Variants in PADI1 observed in about 807,000 individuals in gnomAD.
The protein encoded by PADI1 is peptidyl arginine deiminase 1.
PADI1 carries 65 observed loss-of-function variants against 74.8 expected under a neutral mutation model. That is an observed-to-expected ratio of 0.87 (90% CI 0.71 to 1.07). PADI1 has a LOEUF of 1.07. Among genes scored for constraint, PADI1 ranks in the 50% least tolerant of loss-of-function variants. The pLI is 0.00. For synonymous variants in PADI1, 371 were observed against 336.2 expected (o/e 1.10, Z -1.13); for missense variants, 943 against 854.0 (o/e 1.10, Z -1.30).
At chr1:17,215,082 C>T (rs1056550233) in intron 1 of PADI1, among the ~76,000 whole-genome samples, 3 of 152,190 alleles carry the variant, frequency 2.0e-5, no homozygotes, top group African/African-American at 7.2e-5. Context: ...GGCCCCTCCC[C>T]ATGCCTGTGG....
At chr1:17,217,276 T>C (rs1330818980) in intron 1 of PADI1, among the ~76,000 whole-genome samples, 2 of 152,186 alleles carry the variant, frequency 1.3e-5, no homozygotes, top group African/African-American at 2.4e-5. Flanking sequence ...ATGGATCACC[T>C]GGCCTCCATG....
Position 17,240,715 on chromosome 1 carries a change from C to T in PADI1, c.1713C>T (p.Leu571=). 2.5e-6 allele frequency: 4 copies of T among 1,614,158 alleles called. No homozygotes were observed. Among genetic ancestry groups the T allele is most frequent in the Admixed American group, 3.3e-5 (2 of 60,024 alleles). The change falls in exon 15 of 16, where the codon CTC becomes CTT. Residue 571 remains leucine (L), a synonymous_variant. Transcript: ENST00000375471. The part of the protein sequence containing the change: ...AESDIVDIPQ[L]FFLKNFYAEA... ...GTGACATCGTGGACATTCCCCAGCTCTTCTTCCTGAAAAACTTCTACGCGG... is the reference window on the plus strand; with the variant it reads ...GTGACATCGTGGACATTCCCCAGCTTTTCTTCCTGAAAAACTTCTACGCGG...
intron 10 of PADI1, among the ~76,000 whole-genome samples, chr1:17,231,176 G>A (rs531376312): frequency 1.1e-3 from 166 of 152,272 alleles, no homozygotes; most frequent in African/African-American, 3.8e-3. Context: ...TGAGTTCCAG[G>A]CACTGTCTCC....
chr1:17,225,882 G>GC lies in PADI1; in HGVS notation c.480_481insC (p.Ser161LeufsTer5), dbSNP rs2072294429. ...TGAACTGTGACCGGGACAATCACAG[G>GC]TCCGCAGAGCCTGACCTCACCCACA... On this transcript the variant is annotated frameshift_variant, in exon 5 of 16. Coordinates refer to ENST00000375471, the MANE Select transcript of PADI1 (RefSeq NM_013358.3). LOFTEE classifies it high-confidence loss of function. 1 of 1,614,014 alleles carries GC rather than the reference G, an allele frequency of 6.2e-7. No individual in the cohort carries two copies.
At chr1:17,231,938 T>G (rs1303106452) in intron 10 of PADI1, among the ~76,000 whole-genome samples, 1 of 74,456 alleles carries the variant, frequency 1.3e-5, no homozygotes, top group Admixed American at 1.1e-4. Flanking sequence ...AAAAAACACG[T>G]GTTTGTTTGT....
Position 17,230,122 on chromosome 1 carries a change from G to C in PADI1, c.967G>C (p.Glu323Gln), listed in dbSNP as rs749283838. ...TCATGGCTCCAATGAGAAATTCCTG[G>C]AGGACATGTCTTATCTGACATTGAA... ...DTHGSNEKFL[E>Q]DMSYLTLKAN... The change falls in exon 9 of 16, where the codon GAG becomes CAG. Residue 323 changes from glutamate (E) to glutamine (Q), a missense_variant. Physicochemically the swap from Glu to Gln is conservative, Grantham distance 29 (BLOSUM62 2). Transcript: ENST00000375471. The C allele has an allele frequency of 8.1e-6, 13 of 1,614,020 alleles. No individual in the cohort carries two copies. The East Asian group carries it at 2.9e-4, about 36-fold the overall frequency.
At position 17,232,958 on chromosome 1, in the gene PADI1, G is replaced by A. The variant is rs752097324; in HGVS notation, c.1301G>A (p.Ser434Asn). 6 of 1,606,386 alleles carry A rather than the reference G, an allele frequency of 3.7e-6. No individual in the cohort carries two copies. Among genetic ancestry groups the A allele is most frequent in the East Asian group, 4.5e-5 (2 of 44,672 alleles). Residue 434 changes from serine (S) to asparagine (N), a missense_variant, in exon 11 of 16, where the codon AGC becomes AAC. Ser to Asn is a conservative substitution (Grantham distance 46, BLOSUM62 1). Transcript: ENST00000375471. ...EYPLGRILIG[S>N]SFPKSGGRQM... ...CCCCTGGGCCGGATCCTCATCGGGA[G>A]CAGCTTCCCCAAGTGAGGGGCTGGG...
At chr1:17,233,848 C>T (rs1165092550) in intron 11 of PADI1, among the ~76,000 whole-genome samples, 2 of 152,218 alleles carry the variant, frequency 1.3e-5, no homozygotes, top group East Asian at 3.8e-4. Flanking sequence ...AGCTCTGGAT[C>T]GGATGAGGCG....
At chr1:17,243,307 G>A (rs566511302) in intron 15 of PADI1, among the ~76,000 whole-genome samples, 2 of 123,388 alleles carry the variant, frequency 1.6e-5, no homozygotes, top group Admixed American at 7.6e-5. Context: ...TTAAACTCAA[G>A]TGTCCCCAAA....
intron 13 of PADI1, 27 bp downstream of exon 13, chr1:17,238,736 T>A: frequency 5.7e-6 from 7 of 1,227,994 alleles, no homozygotes; most frequent in South Asian, 1.7e-5. Context: ...CGGTCACCCC[T>A]GGGGGACCCT....
At position 17,235,293 on chromosome 1, in the gene PADI1, G is replaced by GGAAGGAGGGAA. The variant is rs1557479110; in HGVS notation, c.1314-2020_1314-2019insAAGGAGGGAAG. Among the ~76,000 whole-genome samples, 20 of 62,858 alleles carry GGAAGGAGGGAA rather than the reference G, an allele frequency of 3.2e-4. 1 individual carries two copies. The highest frequency in any genetic ancestry group is 6.0e-4 in the East Asian group (1 of 1,668). The allele number at this position is 62,858 out of a possible 152,430, so 41.2% of individuals were successfully genotyped here. A position where few individuals can be genotyped will look rare whatever the true frequency, so the allele number is the denominator to read the frequency against. On this transcript the variant is annotated intron_variant, in intron 11 of 15. Coordinates refer to ENST00000375471, the MANE Select transcript of PADI1 (RefSeq NM_013358.3). The stretch of plus-strand genomic sequence containing the variant: ...AAGGAAGGAAGGAAGGAAGGAAGGA[G>GGAAGGAGGGAA]GGAAGGAAGGAAGGAGGCAAAGTAG...
In PADI1 at chr1:17,205,136, C is replaced by A; in HGVS notation, c.-82C>A. ...GGAGGCACCAGTCCATCAGAACTCA[C>A]ACTTCTTCCTGGCAAAGAAGTGCCC... On this transcript the variant is annotated 5_prime_UTR_variant, in exon 1 of 16. Transcript: ENST00000375471. 9.0e-7 allele frequency: 1 copy of A among 1,116,764 alleles called. No homozygotes were observed. Among genetic ancestry groups the A allele is most frequent in the Non-Finnish European group, 1.3e-6 (1 of 740,792 alleles). 69.2% of individuals were successfully genotyped at this position (1,116,764 alleles called of 1,614,324 possible).
chr1:17,233,415 A>C (rs940203765), intron 11 of PADI1, among the ~76,000 whole-genome samples: 1 of 152,234 alleles, frequency 6.6e-6, no homozygotes, highest in African/African-American at 2.4e-5. Flanking sequence ...GAGGTCATGA[A>C]GTTCCCAGGG....
chr1:17,244,221 AATGGTGGAAC>A lies in PADI1; in HGVS notation c.1977_1986del (p.Trp659CysfsTer92). On this transcript the variant is annotated frameshift_variant, in exon 16 of 16. Transcript: ENST00000375471. LOFTEE classifies it high-confidence loss of function. ...GTGCGCAGGAAGCCCTTTCCCTTCA[AATGGTGGAAC>A]ATGGTGCCCTGAGCCTGCCCCCACC... 6.2e-7 allele frequency: 1 copy of A among 1,613,976 alleles called. No individual in the cohort carries two copies. Among genetic ancestry groups the A allele is most frequent in the Non-Finnish European group, 8.5e-7 (1 of 1,179,870 alleles).
At chr1:17,217,937 G>C (rs1431473588) in intron 1 of PADI1, among the ~76,000 whole-genome samples, 2 of 152,254 alleles carry the variant, frequency 1.3e-5, no homozygotes. Flanking sequence ...TTGATGAAAT[G>C]TTCCTCCAGG....
intron 1 of PADI1, among the ~76,000 whole-genome samples, chr1:17,209,412 C>T (rs562798384): frequency 2.6e-5 from 4 of 152,276 alleles, no homozygotes; most frequent in African/African-American, 4.8e-5. Context: ...CTGACAGGCC[C>T]GGGGGTTGTA....
rs551616404 is a variant in PADI1 at position 17,223,369 on chromosome 1, C to T, written c.274-252C>T. On this transcript the variant is annotated intron_variant, in intron 2 of 15. Coordinates refer to ENST00000375471, the MANE Select transcript of PADI1 (RefSeq NM_013358.3). ...GGGAGCTGCCCCACCTTTCCCATCC[C>T]TCCACCTTTCCCCCACCCTCCTTGC... 5.9e-6 allele frequency: 3 copies of T among 509,630 alleles called. No homozygotes were observed. The East Asian group carries it at 1.0e-4, about 18-fold the overall frequency. 31.6% of individuals were successfully genotyped at this position (509,630 alleles called of 1,614,324 possible).
chr1:17,218,448 G>A (rs2072038671), intron 1 of PADI1, among the ~76,000 whole-genome samples: 1 of 152,156 alleles, frequency 6.6e-6, no homozygotes. Context: ...AGGCATTAGA[G>A]GAAAGGCCAC....
chr1:17,244,099 G>A lies in PADI1; in HGVS notation c.1848G>A (p.Val616=), dbSNP rs776009407. The change falls in exon 16 of 16, where the codon GTG becomes GTA. Residue 616 remains valine, a synonymous_variant. Coordinates refer to ENST00000375471, the MANE Select transcript of PADI1 (RefSeq NM_013358.3). ...INGRCCLEEK[V]QSLLEPLGLH... ...GCCGCTGCTGCCTGGAGGAGAAGGT[G>A]CAGTCCCTGCTGGAGCCTCTGGGCC... is the stretch of plus-strand genomic sequence containing the variant. The A allele has an allele frequency of 3.7e-6, 6 of 1,614,244 alleles. No homozygotes were observed. In the African/African-American group the frequency reaches 5.3e-5, roughly 14 times the overall value.
Sources: allele counts gnomAD v4.1 joint callset (sites outside exome capture counted in the v4.1 genomes callset), GRCh38; gene constraint gnomAD v4.1.1; transcripts MANE v1.5; gene names NCBI Gene and HGNC (gene_info 2026-07-23, HGNC 2026-07-21).